SLC36A4: variants seen among roughly 807,000 people sequenced by gnomAD.
The protein encoded by SLC36A4 is solute carrier family 36 member 4.
In SLC36A4, 49 loss-of-function variants were observed where a neutral mutation model predicts 50.5. The observed-to-expected ratio is 0.97, with a 90% confidence interval of 0.77 to 1.23. SLC36A4 has a LOEUF of 1.23. Ranked by LOEUF, SLC36A4 falls within the 50% of genes most tolerant of loss-of-function variation. SLC36A4 has a pLI of 0.00. For missense variants in SLC36A4, 611 were observed against 608.4 expected (o/e 1.00, Z -0.05); for synonymous variants, 207 against 206.5 (o/e 1.00, Z -0.02).
intron 1 of SLC36A4, chr11:93,193,179 C>T (rs1862285014): frequency 1.1e-5 from 3 of 281,722 alleles, no homozygotes; most frequent in African/African-American, 6.9e-5. Context: ...GACCTATAAA[C>T]TGTGCTGTAA....
intron 1 of SLC36A4, among the ~76,000 whole-genome samples, chr11:93,191,530 C>T (rs1862218413): frequency 6.6e-6 from 1 of 152,160 alleles, no homozygotes; most frequent in Admixed American, 6.5e-5. Flanking sequence ...TCACTACCAC[C>T]ATATCCTCCC....
chr11:93,154,253 T>C lies in SLC36A4; in HGVS notation c.1062A>G (p.Leu354=), dbSNP rs758930081. The C allele has an allele frequency of 5.7e-5, 83 of 1,457,538 alleles. No individual in the cohort carries two copies. The highest frequency in any genetic ancestry group is 6.9e-5 in the Non-Finnish European group (76 of 1,098,336). 90.3% of individuals were successfully genotyped at this position (1,457,538 alleles called of 1,614,324 possible). ...ATGTCACAAAAATGCCAAAGGAATA[T>C]AGAATTTTCACTGATTGATATAACC... The part of the protein sequence containing the change: ...DVWLYQSVKI[L]YSFGIFVTYS... The change falls in exon 10 of 11, where the codon CTA becomes CTG. Residue 354 remains leucine, a synonymous_variant. Coordinates refer to ENST00000326402, the MANE Select transcript of SLC36A4 (RefSeq NM_152313.4).
At chr11:93,197,724 G>T in intron 1 of SLC36A4, 54 bp downstream of exon 1, 2 of 1,551,994 alleles carry the variant, frequency 1.3e-6, no homozygotes, top group Non-Finnish European at 8.7e-7. Context: ...CCCGACTCCC[G>T]CACAGACCCC....
Position 93,148,541 on chromosome 11 carries a change from T to A in SLC36A4, c.1511A>T (p.Lys504Ile), listed in dbSNP as rs1282787446. 6.2e-6 allele frequency: 10 copies of A among 1,605,592 alleles called. No individual in the cohort carries two copies. Among genetic ancestry groups the A allele is most frequent in the Non-Finnish European group, 8.5e-6 (10 of 1,177,690 alleles). ...AGACTCATGATTCTGCTTTTACTAT[T>A]TCAAACCAGATGTTAAGCATGTTGA... ...LNSTCLTSGL[K>I] Residue 504 changes from lysine to isoleucine, a missense_variant, in exon 11 of 11, where the codon AAA becomes ATA. Physicochemically the swap from Lys to Ile is moderately radical, Grantham distance 102. Transcript: ENST00000326402.
chr11:93,182,234 TTC>T (rs921243590), intron 4 of SLC36A4: 3 of 748,712 alleles, frequency 4.0e-6, no homozygotes, highest in Non-Finnish European at 4.9e-6. Flanking sequence ...TATTTCTCCA[TTC>T]TCTCTTTTTT....
At chr11:93,196,829 T>C (rs931412235) in intron 1 of SLC36A4, among the ~76,000 whole-genome samples, 19 of 152,226 alleles carry the variant, frequency 1.2e-4, no homozygotes, top group African/African-American at 3.6e-4. Context: ...ACTGTATCTA[T>C]AAAATGGAAA....
chr11:93,180,935 A>AT, intron 5 of SLC36A4, 54 bp from the exon 6 acceptor site: 2 of 1,171,542 alleles, frequency 1.7e-6, no homozygotes, highest in Non-Finnish European at 2.5e-6. Flanking sequence ...AAATGTCAAT[A>AT]TATTTTATTT....
chr11:93,183,119 C>T (rs1160275534), intron 3 of SLC36A4, among the ~76,000 whole-genome samples: 1 of 152,110 alleles, frequency 6.6e-6, no homozygotes, highest in African/African-American at 2.4e-5. Context: ...CTACTCAAAC[C>T]TACGAATATG....
intron 9 of SLC36A4, among the ~76,000 whole-genome samples, chr11:93,157,574 G>A (rs1052613013): frequency 7.2e-5 from 11 of 152,136 alleles, no homozygotes; most frequent in African/African-American, 2.7e-4. Context: ...CTGGTTAGCT[G>A]TATCCCTAGG....
At position 93,147,313 on chromosome 11, in the gene SLC36A4, T is replaced by C. The variant is rs1048273223; in HGVS notation, c.*1224A>G. The C allele has an allele frequency of 6.6e-6, 1 of 151,916 alleles. No individual in the cohort carries two copies. The highest frequency in any genetic ancestry group is 2.4e-5 in the African/African-American group (1 of 41,378). 9.4% of individuals were successfully genotyped at this position (151,916 alleles called of 1,614,324 possible). ...ATTCTTTTATTCTGCTCATAATAAA[T>C]AAAAGGCTGTGATAAGAAAAGCCAC... is the stretch of plus-strand genomic sequence containing the variant. On this transcript the variant is annotated 3_prime_UTR_variant, in exon 11 of 11. Transcript: ENST00000326402.
intron 9 of SLC36A4, among the ~76,000 whole-genome samples, 182 bp downstream of exon 9, chr11:93,162,524 G>T (rs925606188): frequency 2.6e-5 from 4 of 152,084 alleles, no homozygotes; most frequent in Admixed American, 2.0e-4. Flanking sequence ...GGCCAGGCTG[G>T]TCTTGAACTC....
chr11:93,152,629 G>A (rs1270138662), intron 10 of SLC36A4: 1 of 152,064 alleles, frequency 6.6e-6, no homozygotes, highest in Non-Finnish European at 1.5e-5. Context: ...AAGCAGATGT[G>A]GCGTGGTCTG....
At chr11:93,177,275 C>T (rs1240577815) in intron 6 of SLC36A4, among the ~76,000 whole-genome samples, 2 of 152,098 alleles carry the variant, frequency 1.3e-5, no homozygotes, top group African/African-American at 2.4e-5. Flanking sequence ...CACGTAGTTC[C>T]CATGCCATGG....
chr11:93,169,842 T>G (rs1861049165), intron 6 of SLC36A4, among the ~76,000 whole-genome samples: 1 of 152,142 alleles, frequency 6.6e-6, no homozygotes, highest in Non-Finnish European at 1.5e-5. Flanking sequence ...GTAACTAAAT[T>G]ACTTAGAGCC....
chr11:93,156,972 CT>C (rs1397006672), intron 9 of SLC36A4, among the ~76,000 whole-genome samples: 1 of 151,954 alleles, frequency 6.6e-6, no homozygotes, highest in Non-Finnish European at 1.5e-5. Flanking sequence ...TTTTTATAGT[CT>C]GGGGTTTCAC....
Position 93,185,818 on chromosome 11 carries a change from TA to T in SLC36A4, c.56-5del, listed in dbSNP as rs1565237504. On this transcript the variant is annotated splice_region_variant and splice_polypyrimidine_tract_variant and intron_variant, in intron 1 of 10. Transcript: ENST00000326402. The stretch of plus-strand genomic sequence containing the variant: ...AAGGGCCTCATTACATCCATATCTT[TA>T]AAAAAGAAAAACAAAGTACTTCACT... The T allele has an allele frequency of 6.4e-7, 1 of 1,571,896 alleles. No homozygotes were observed. Among genetic ancestry groups the T allele is most frequent in the Non-Finnish European group, 8.6e-7 (1 of 1,168,976 alleles).
At chr11:93,150,621 A>G (rs938216714) in intron 10 of SLC36A4, among the ~76,000 whole-genome samples, 5 of 152,104 alleles carry the variant, frequency 3.3e-5, no homozygotes, top group African/African-American at 1.2e-4. Flanking sequence ...AAGAAGTAGA[A>G]ATAACTAGCT....
intron 6 of SLC36A4, among the ~76,000 whole-genome samples, chr11:93,176,206 C>T (rs1008354485): frequency 6.6e-6 from 1 of 151,966 alleles, no homozygotes; most frequent in African/African-American, 2.4e-5. Flanking sequence ...TATGTAATGG[C>T]CTTCTTTGTC....
intron 7 of SLC36A4, 47 bp from the exon 8 acceptor site, chr11:93,166,063 T>A: frequency 7.0e-7 from 1 of 1,420,836 alleles, no homozygotes; most frequent in Non-Finnish European, 9.6e-7. Context: ...CTTTACTTAT[T>A]CTAAATAATT....
Sources: allele counts gnomAD v4.1 joint callset (sites outside exome capture counted in the v4.1 genomes callset), GRCh38; gene constraint gnomAD v4.1.1; transcripts MANE v1.5; gene names NCBI Gene and HGNC (gene_info 2026-07-23, HGNC 2026-07-21).